Variants in FSIP1 observed in about 807,000 individuals in gnomAD.
FSIP1 encodes the protein fibrous sheath-interacting protein 1.
In FSIP1, 65 loss-of-function variants were observed where a neutral mutation model predicts 60.9. The ratio of observed to expected loss-of-function variants is 1.07; its 90% CI spans 0.87 to 1.31. The LOEUF (loss-of-function observed/expected upper bound fraction) is 1.31, where lower values mean the gene tolerates loss of function less well. Among genes scored for constraint, FSIP1 ranks in the 40% most tolerant of loss-of-function variants. The pLI is 0.00. For missense variants in FSIP1, 675 were observed against 665.5 expected (o/e 1.01, Z -0.16); for synonymous variants, 209 against 221.2 (o/e 0.94, Z 0.49).
chr15:39,672,130 A>G (rs992934557), intron 10 of FSIP1, among the ~76,000 whole-genome samples: 5 of 152,198 alleles, frequency 3.3e-5, no homozygotes, highest in African/African-American at 7.2e-5. Flanking sequence ...GATTTTGCCA[A>G]TTACTAATTG....
At chr15:39,611,036 G>T (rs1215683966) in intron 11 of FSIP1, among the ~76,000 whole-genome samples, 1 of 152,126 alleles carries the variant, frequency 6.6e-6, no homozygotes, top group Non-Finnish European at 1.5e-5. Flanking sequence ...AAAGCAAAAA[G>T]CACTAAATGG....
intron 8 of FSIP1, among the ~76,000 whole-genome samples, chr15:39,732,161 T>C (rs1181224402): frequency 6.6e-6 from 1 of 152,140 alleles, no homozygotes; most frequent in Non-Finnish European, 1.5e-5. Context: ...TCTGTGAGAA[T>C]CTAATGCTGC....
chr15:39,745,050 A>G (rs997686340), intron 5 of FSIP1, among the ~76,000 whole-genome samples: 2 of 151,710 alleles, frequency 1.3e-5, no homozygotes, highest in Non-Finnish European at 1.5e-5. Flanking sequence ...GCAGGACAAG[A>G]TACGCCTCTG....
At chr15:39,690,602 C>A (rs1460827126) in intron 10 of FSIP1, among the ~76,000 whole-genome samples, 1 of 152,108 alleles carries the variant, frequency 6.6e-6, no homozygotes, top group South Asian at 2.1e-4. Flanking sequence ...AATACCAGGT[C>A]GAAACAGAAT....
At chr15:39,715,798 T>A (rs1218243086) in intron 9 of FSIP1, among the ~76,000 whole-genome samples, 1 of 152,154 alleles carries the variant, frequency 6.6e-6, no homozygotes, top group Non-Finnish European at 1.5e-5. Flanking sequence ...ACTGCTCTCA[T>A]GATTGTGAGT....
intron 10 of FSIP1, among the ~76,000 whole-genome samples, chr15:39,629,072 CT>C (rs1474662625): frequency 6.6e-6 from 1 of 152,196 alleles, no homozygotes; most frequent in Non-Finnish European, 1.5e-5. Context: ...GAAGCCTGTA[CT>C]TTCCAAGTTC....
At position 39,765,580 on chromosome 15, in the gene FSIP1, G is replaced by A. The variant is rs779145836; in HGVS notation, c.465+12C>T. ...TTTCTTACATGTCAGCATAAGGTTA[G>A]ATAATTCTTACCTTAATTTCTTCCC... On this transcript the variant is annotated intron_variant, in intron 4 of 11. Coordinates refer to ENST00000350221, the MANE Select transcript of FSIP1 (RefSeq NM_152597.5). 12 of 1,567,008 alleles carry A rather than the reference G, an allele frequency of 7.7e-6. No individual in the cohort carries two copies. The East Asian group carries it at 2.0e-4, about 27-fold the overall frequency.
chr15:39,648,115 A>G (rs996955333), intron 10 of FSIP1, among the ~76,000 whole-genome samples: 1 of 151,550 alleles, frequency 6.6e-6, no homozygotes, highest in Non-Finnish European at 1.5e-5. Flanking sequence ...ACATGTATAC[A>G]TATGTAACTA....
rs552425194 is a variant in FSIP1, at chr15:39,756,051, G to A, written c.559+7770C>T. 2.0e-5 allele frequency among the ~76,000 whole-genome samples: 3 copies of A among 152,186 alleles called. No individual in the cohort carries two copies. In the South Asian group the frequency reaches 6.2e-4, roughly 32 times the overall value. ...GGACAGACTTTTAAAATACTTCAGA[G>A]ATCTCTAGCAAGTACAATATTGTTT... On this transcript the variant is annotated intron_variant, in intron 5 of 11. Coordinates refer to ENST00000350221, the MANE Select transcript of FSIP1 (RefSeq NM_152597.5).
chr15:39,681,642 A>G (rs781610973), intron 10 of FSIP1, among the ~76,000 whole-genome samples: 1 of 152,210 alleles, frequency 6.6e-6, no homozygotes, highest in Non-Finnish European at 1.5e-5. Flanking sequence ...CAACAACTAC[A>G]GTATAACACA....
intron 3 of FSIP1, among the ~76,000 whole-genome samples, chr15:39,768,285 C>T (rs966223370): frequency 3.9e-5 from 6 of 152,196 alleles, no homozygotes; most frequent in African/African-American, 1.4e-4. Flanking sequence ...TTGATCTCAT[C>T]CCAAACATAC....
intron 10 of FSIP1, among the ~76,000 whole-genome samples, chr15:39,703,901 A>G (rs1349726558): frequency 6.6e-6 from 1 of 152,246 alleles, no homozygotes; most frequent in Non-Finnish European, 1.5e-5. Flanking sequence ...ATTCATGATC[A>G]TCAGCGAAAT....
At chr15:39,696,896 G>A (rs1242080045) in intron 10 of FSIP1, among the ~76,000 whole-genome samples, 1 of 147,642 alleles carries the variant, frequency 6.8e-6, no homozygotes, top group Non-Finnish European at 1.5e-5. Context: ...GTGTGTGTGT[G>A]TGTGTGTGTG....
intron 10 of FSIP1, among the ~76,000 whole-genome samples, chr15:39,633,184 G>A (rs187063832): frequency 1.1e-4 from 15 of 138,816 alleles, no homozygotes; most frequent in African/African-American, 3.6e-4. Context: ...TCCCCCTCCC[G>A]GGTTCAACCA....
At chr15:39,616,485 C>T (rs974278625) in intron 11 of FSIP1, among the ~76,000 whole-genome samples, 1 of 152,136 alleles carries the variant, frequency 6.6e-6, no homozygotes, top group Non-Finnish European at 1.5e-5. Flanking sequence ...GGGAAGGCTA[C>T]AATCAGAGAG....
intron 11 of FSIP1, among the ~76,000 whole-genome samples, chr15:39,610,034 T>C (rs951953146): frequency 5.3e-5 from 8 of 152,096 alleles, no homozygotes; most frequent in African/African-American, 1.9e-4. Flanking sequence ...GGCCATTTCC[T>C]CAAATGTGTA....
At chr15:39,685,754 C>G (rs1207336105) in intron 10 of FSIP1, among the ~76,000 whole-genome samples, 1 of 152,038 alleles carries the variant, frequency 6.6e-6, no homozygotes, top group African/African-American at 2.4e-5. Flanking sequence ...CTTTTTTCTT[C>G]TACAGCATTC....
intron 10 of FSIP1, among the ~76,000 whole-genome samples, chr15:39,679,998 T>C (rs1449343586): frequency 6.6e-6 from 1 of 152,214 alleles, no homozygotes; most frequent in Non-Finnish European, 1.5e-5. Context: ...TCTGAAGTAG[T>C]GAACTCTTGA....
intron 9 of FSIP1, among the ~76,000 whole-genome samples, chr15:39,715,416 C>T (rs1052355717): frequency 6.6e-6 from 1 of 152,076 alleles, no homozygotes; most frequent in Non-Finnish European, 1.5e-5. Flanking sequence ...CATGGCTGAC[C>T]CTATTCTCTG....
Sources: allele counts gnomAD v4.1 joint callset (sites outside exome capture counted in the v4.1 genomes callset), GRCh38; gene constraint gnomAD v4.1.1; transcripts MANE v1.5; gene names NCBI Gene and HGNC (gene_info 2026-07-23, HGNC 2026-07-21).